Variants in DLGAP5 observed in about 807,000 individuals in gnomAD.
The protein encoded by DLGAP5 is disks large-associated protein 5.
A neutral mutation model predicts 99.6 loss-of-function variants in DLGAP5; 90 were observed. The ratio of observed to expected loss-of-function variants is 0.90; its 90% CI spans 0.76 to 1.08. The LOEUF (loss-of-function observed/expected upper bound fraction) is 1.08. DLGAP5 is among the 50% of genes least tolerant of loss of function. The probability of loss-of-function intolerance (pLI) is 0.00; values close to 1 mark genes in which losing one functional copy is unlikely to be tolerated. For missense variants in DLGAP5, 1,036 were observed against 983.5 expected, an observed-to-expected ratio of 1.05 and a Z score of -0.71; for synonymous variants, 311 against 321.3, an observed-to-expected ratio of 0.97 and a Z score of 0.34.
rs568462094 is a variant in DLGAP5, at chr14:55,175,295, A to C, written c.1301+51T>G. 2.6e-6 allele frequency: 4 copies of C among 1,553,782 alleles called. No individual in the cohort carries two copies. The East Asian group carries it at 9.4e-5, about 36-fold the overall frequency. ...TTAAAAATTTTTAGTTTTGGTTTTA[A>C]ATGTCTAGATATTAATACAAAATTC... On this transcript the variant is annotated intron_variant, in intron 10 of 18. Coordinates refer to ENST00000247191, the MANE Select transcript of DLGAP5 (RefSeq NM_014750.5).
At chr14:55,160,593 G>A (rs983418084) in intron 13 of DLGAP5, among the ~76,000 whole-genome samples, 5 of 151,332 alleles carry the variant, frequency 3.3e-5, no homozygotes, top group African/African-American at 4.8e-5. Context: ...GATTACAGGC[G>A]CCCGCCACCA....
chr14:55,161,132 C>T (rs946185346), intron 13 of DLGAP5, among the ~76,000 whole-genome samples: 6 of 152,002 alleles, frequency 3.9e-5, no homozygotes, highest in Non-Finnish European at 8.8e-5. Flanking sequence ...AAAAGATTAG[C>T]TTTGTTTGAT....
intron 2 of DLGAP5, among the ~76,000 whole-genome samples, chr14:55,184,835 A>G (rs8003961): frequency 0.17 from 26,399 of 152,230 alleles, 3,453 homozygotes; most frequent in African/African-American, 0.37. Context: ...TCTGGATGAC[A>G]TCTTGGCTGC....
At chr14:55,179,556 T>A (rs1442399941) in intron 7 of DLGAP5, 73 bp downstream of exon 7, 1 of 1,331,138 alleles carries the variant, frequency 7.5e-7, no homozygotes, top group Non-Finnish European at 1.1e-6. Flanking sequence ...TTCTTTATGT[T>A]TAATTTCAAC....
At chr14:55,173,871 G>A (rs1442365756) in intron 10 of DLGAP5, among the ~76,000 whole-genome samples, 1 of 152,094 alleles carries the variant, frequency 6.6e-6, no homozygotes, top group African/African-American at 2.4e-5. Flanking sequence ...AATCCTGTCA[G>A]CTGAGGAGGA....
rs566362303 is a variant in DLGAP5 at position 55,178,121 on chromosome 14, A to G, written c.775-785T>C. ...CAAAAAATTATTGGGGCGTGGTGGC[A>G]GGCGCCTATAGTCCCAGCTACTTGG... On this transcript the variant is annotated intron_variant, in intron 7 of 18. Coordinates refer to ENST00000247191, the MANE Select transcript of DLGAP5 (RefSeq NM_014750.5). Among the ~76,000 whole-genome samples the G allele has an allele frequency of 3.2e-3, 479 of 151,330 alleles. 5 individuals carry two copies. Among genetic ancestry groups the G allele is most frequent in the African/African-American group, 0.011 (464 of 41,306 alleles).
chr14:55,163,549 T>C (rs895403126), intron 12 of DLGAP5, among the ~76,000 whole-genome samples: 4 of 152,232 alleles, frequency 2.6e-5, no homozygotes, highest in Non-Finnish European at 4.4e-5. Context: ...TGGAGCGCAA[T>C]TGCTAGATCG....
intron 18 of DLGAP5, among the ~76,000 whole-genome samples, chr14:55,149,531 C>CAT (rs146751872): frequency 0.026 from 3,917 of 152,228 alleles, 161 homozygotes; most frequent in African/African-American, 0.09. Context: ...TGCCAGGTTT[C>CAT]ATGAAGTTAA....
chr14:55,176,496 T>C (rs1883065687), intron 8 of DLGAP5, among the ~76,000 whole-genome samples: 1 of 152,218 alleles, frequency 6.6e-6, no homozygotes, highest in African/African-American at 2.4e-5. Flanking sequence ...GTATGTGTTA[T>C]AATTAAGTCA....
At chr14:55,175,701 A>T (rs964195863) in intron 9 of DLGAP5, among the ~76,000 whole-genome samples, 193 bp downstream of exon 9, 4 of 152,048 alleles carry the variant, frequency 2.6e-5, no homozygotes, top group African/African-American at 7.2e-5. Flanking sequence ...CTCTTCAGAT[A>T]TCTTTACCCA....
At chr14:55,150,332 G>C (rs779020124) in intron 18 of DLGAP5, 1 of 154,610 alleles carries the variant, frequency 6.5e-6, no homozygotes, top group Non-Finnish European at 1.4e-5. Context: ...AGAGAGATAA[G>C]AGCTTTTACA....
Position 55,183,572 on chromosome 14 carries a change from A to G in DLGAP5, c.420T>C (p.Ala140=). The part of the protein sequence containing the change: ...FLLSNQNAVK[A]EPKKAIPSSV... ...ACACTAAATTTACCTTTTTTGGCTC[A>G]GCTTTCACAGCATTCTGGTTTGATA... The change falls in exon 3 of 19, where the codon GCT becomes GCC. Residue 140 remains alanine (A), a synonymous_variant. Coordinates refer to ENST00000247191, the MANE Select transcript of DLGAP5 (RefSeq NM_014750.5). 6.4e-7 allele frequency: 1 copy of G among 1,552,056 alleles called. No individual in the cohort carries two copies. Among genetic ancestry groups the G allele is most frequent in the South Asian group, 1.2e-5 (1 of 81,610 alleles).
chr14:55,177,502 A>AGTTACGCTAAATCCATT (rs1282814116), intron 7 of DLGAP5, among the ~76,000 whole-genome samples, 166 bp from the exon 8 acceptor site: 3 of 152,224 alleles, frequency 2.0e-5, no homozygotes, highest in African/African-American at 7.2e-5. Context: ...TCAGAAGACC[A>AGTTACGCTAAATCCATT]GTTACGCTAA....
intron 14 of DLGAP5, 124 bp from the exon 15 acceptor site, chr14:55,154,930 A>ATT: frequency 1.2e-6 from 1 of 804,220 alleles, no homozygotes; most frequent in Non-Finnish European, 1.9e-6. Context: ...TGTTAAAGAC[A>ATT]AATGCCTGGG....
rs1317963884 is a variant in DLGAP5 at position 55,180,717 on chromosome 14, C to T, written c.642G>A (p.Lys214=). 2.5e-6 allele frequency: 4 copies of T among 1,614,144 alleles called. No homozygotes were observed. In the South Asian group the frequency reaches 4.4e-5, roughly 18 times the overall value. The part of the protein sequence containing the change: ...RMTRSATQAA[K]QVPRTVSSTT... ...TAGATGAGACTGTTCTGGGAACCTG[C>T]TTTGCTGCTTGAGTAGCTGATCGAG... The change falls in exon 6 of 19, where the codon AAG becomes AAA. Residue 214 remains lysine, a synonymous_variant. Coordinates refer to ENST00000247191, the MANE Select transcript of DLGAP5 (RefSeq NM_014750.5).
intron 10 of DLGAP5, among the ~76,000 whole-genome samples, chr14:55,172,981 CAAAA>C (rs71291818): frequency 2.6e-4 from 16 of 62,110 alleles, no homozygotes; most frequent in African/African-American, 8.4e-4. Flanking sequence ...GACTCCGTCT[CAAAA>C]AAAAAAAAAA....
chr14:55,151,916 A>C lies in DLGAP5; in HGVS notation c.2147T>G (p.Val716Gly). ...NHVVNKTDLK[V>G]DCLSSERMSL... is the part of the protein sequence containing the mutation. ...CATTCTCTCACTGGATAAACAATCC[A>C]CCTTCAAGTCTGTCTTATTTACAAC... The change falls in exon 17 of 19, where the codon GTG (valine) becomes GGG (glycine). Residue 716 changes from valine (V) to glycine (G), a missense_variant. By Grantham distance (109) the Val-to-Gly change is moderately radical. Transcript: ENST00000247191. 6.2e-7 allele frequency: 1 copy of C among 1,613,818 alleles called. No homozygotes were observed. Among genetic ancestry groups the C allele is most frequent in the Non-Finnish European group, 8.5e-7 (1 of 1,179,882 alleles).
At chr14:55,184,109 C>T (rs975191645) in intron 2 of DLGAP5, among the ~76,000 whole-genome samples, 2 of 151,730 alleles carry the variant, frequency 1.3e-5, no homozygotes, top group South Asian at 2.1e-4. Context: ...GCCAAGATTG[C>T]GCCCCTGCAC....
At position 55,168,457 on chromosome 14, in the gene DLGAP5, T is replaced by G. The variant is rs567356126; in HGVS notation, c.1548+942A>C. ...ATAGCTCTCTTCCTAGATGTTTGCT[T>G]TGGCCTTTTTCTTTTAGGTTTGAAG... is the stretch of plus-strand genomic sequence containing the variant. On this transcript the variant is annotated intron_variant, in intron 12 of 18. Coordinates refer to ENST00000247191, the MANE Select transcript of DLGAP5 (RefSeq NM_014750.5). 2.0e-5 allele frequency among the ~76,000 whole-genome samples: 3 copies of G among 152,340 alleles called. No individual in the cohort carries two copies. In the South Asian group the frequency reaches 6.2e-4, roughly 32 times the overall value.
Sources: gnomAD v4.1 joint callset for allele counts (sites outside exome capture counted in the v4.1 genomes callset) on GRCh38, gnomAD v4.1.1 for gene constraint, MANE v1.5 for transcripts, NCBI Gene and HGNC (gene_info 2026-07-23, HGNC 2026-07-21) for gene names.